The following ALOX15B variants were observed in gnomAD, a reference collection of about 807,000 sequenced individuals.
The protein encoded by ALOX15B is polyunsaturated fatty acid lipoxygenase ALOX15B.
In ALOX15B, 74 loss-of-function variants were observed where a neutral mutation model predicts 73.8. The observed-to-expected ratio is 1.00, with a 90% confidence interval of 0.83 to 1.22. ALOX15B has a LOEUF of 1.22. Among genes scored for constraint, ALOX15B ranks in the 50% most tolerant of loss-of-function variants. ALOX15B has a pLI of 0.00. For missense variants in ALOX15B, 896 were observed against 859.9 expected, an observed-to-expected ratio of 1.04 and a Z score of -0.52; for synonymous variants, 353 against 357.2, an observed-to-expected ratio of 0.99 and a Z score of 0.13.
At chr17:8,047,992 C>A in intron 13 of ALOX15B, 77 bp downstream of exon 13, 1 of 1,495,072 alleles carries the variant, frequency 6.7e-7, no homozygotes, top group South Asian at 1.3e-5. Context: ...CTGGCCCAGA[C>A]CCAACCCTGC....
At chr17:8,044,105 GAGGAAGGAAGGAAGGAAGGA>G (rs556498649) in intron 5 of ALOX15B, among the ~76,000 whole-genome samples, 7 of 62,380 alleles carry the variant, frequency 1.1e-4, no homozygotes, top group Admixed American at 7.2e-4. Flanking sequence ...GAGAGAGAGA[GAGGAAGGAAGGAAGGAAGGA>G]AGGAAGGAAG....
At chr17:8,046,625 C>A in intron 8 of ALOX15B, 43 bp from the exon 9 acceptor site, 1 of 1,586,098 alleles carries the variant, frequency 6.3e-7, no homozygotes, top group East Asian at 2.3e-5. Context: ...GGGGCCAGAA[C>A]AACCCAGGCC....
In ALOX15B at chr17:8,039,163, A is replaced by C; in HGVS notation, c.8A>C (p.Glu3Ala). ...TGGACTTAGGCTGGCAGCATGGCCG[A>C]GTTCAGGGTCAGGGTGTCCACCGGA... is the stretch of plus-strand genomic sequence containing the variant. The part of the protein sequence containing the change: MA[E>A]FRVRVSTGEA... The change falls in exon 1 of 14, where the codon GAG becomes GCG. Residue 3 changes from glutamate to alanine, a missense_variant. By Grantham distance (107) the Glu-to-Ala change is moderately radical (BLOSUM62 -1). Transcript: ENST00000380183. 1 of 1,613,010 alleles carries C rather than the reference A, an allele frequency of 6.2e-7. No homozygotes were observed. The highest frequency in any genetic ancestry group is 8.5e-7 in the Non-Finnish European group (1 of 1,179,574).
At chr17:8,043,998 G>A (rs143658824) in intron 5 of ALOX15B, among the ~76,000 whole-genome samples, 304 of 152,070 alleles carry the variant, frequency 2.0e-3, no homozygotes, top group African/African-American at 6.9e-3. Flanking sequence ...AAGCCTGGGA[G>A]ATGGAGGTTG....
Position 8,048,414 on chromosome 17 carries a change from A to G in ALOX15B, c.1880A>G (p.His627Arg). 6.2e-7 allele frequency: 1 copy of G among 1,613,852 alleles called. No homozygotes were observed. The highest frequency in any genetic ancestry group is 8.5e-7 in the Non-Finnish European group (1 of 1,179,876). ...QRPLGTYPDE[H>R]FTEEAPRRSI... ...CCCCTGGGCACCTATCCGGATGAGC[A>G]CTTCACAGAGGAGGCCCCTCGGCGG... is the stretch of plus-strand genomic sequence containing the variant. The change falls in exon 14 of 14, where the codon CAC becomes CGC. Residue 627 changes from histidine to arginine, a missense_variant. Transcript: ENST00000380183.
intron 13 of ALOX15B, 87 bp from the exon 14 acceptor site, chr17:8,048,299 G>T (rs985024235): frequency 1.9e-5 from 28 of 1,490,694 alleles, no homozygotes; most frequent in Non-Finnish European, 2.3e-5. Context: ...GCTAAGGCAA[G>T]TTGCAGCTGC....
At chr17:8,045,076 AG>A in intron 6 of ALOX15B, 75 bp downstream of exon 6, 2 of 1,593,930 alleles carry the variant, frequency 1.3e-6, no homozygotes, top group South Asian at 2.3e-5. Flanking sequence ...CTGGAGACAG[AG>A]GGGCACACTC....
intron 3 of ALOX15B, 142 bp from the exon 4 acceptor site, chr17:8,042,227 G>A (rs1448932105): frequency 5.8e-6 from 6 of 1,040,098 alleles, no homozygotes; most frequent in Non-Finnish European, 6.8e-6. Context: ...GGGTAGAATG[G>A]AAGGGCAGCT....
In ALOX15B at chr17:8,045,651, C is replaced by G. The variant is rs1162712398; in HGVS notation, c.1165C>G (p.Leu389Val). Residue 389 changes from leucine to valine, a missense_variant, in exon 8 of 14, where the codon CTG becomes GTG. Physicochemically the swap from Leu to Val is conservative, Grantham distance 32. Transcript: ENST00000380183. Reference sequence around the variant, plus strand: ...GCCTGAGGTCTTCACCCTGGCTACCCTGCGTCAGCTGCCCCACTGCCACCC... The same window carrying G: ...GCCTGAGGTCTTCACCCTGGCTACCGTGCGTCAGCTGCCCCACTGCCACCC... ...LLPEVFTLAT[L>V]RQLPHCHPLF... 3.1e-6 allele frequency: 5 copies of G among 1,614,098 alleles called. No individual in the cohort carries two copies.
Position 8,048,341 on chromosome 17 carries a change from A to G in ALOX15B, c.1852-45A>G, listed in dbSNP as rs201050534. On this transcript the variant is annotated intron_variant, in intron 13 of 13. Transcript: ENST00000380183. ...AGTGGGGACCAGGAGTCTGGGATGC[A>G]GGACCTCAGCAGCCGCCTCACCCAA... is the stretch of plus-strand genomic sequence containing the variant. 530 of 1,576,768 alleles carry G rather than the reference A, an allele frequency of 3.4e-4. No homozygotes were observed. In the African/African-American group the frequency reaches 6.5e-3, roughly 19 times the overall value.
rs1179004665 is a variant in ALOX15B, at chr17:8,047,615, T to C, written c.1631T>C (p.Met544Thr). ...GAAGCCCTGGTGCAGTATGTCACCA[T>C]GGTGATATTCACCTGCTCCGCCAAG... is the stretch of plus-strand genomic sequence containing the variant. ...TREALVQYVT[M>T]VIFTCSAKHA... Residue 544 changes from methionine to threonine, a missense_variant, in exon 12 of 14, where the codon ATG becomes ACG. By Grantham distance (81) the Met-to-Thr change is moderately conservative. Coordinates refer to ENST00000380183, the MANE Select transcript of ALOX15B (RefSeq NM_001141.3). The C allele has an allele frequency of 3.1e-6, 5 of 1,611,536 alleles. No homozygotes were observed. The highest frequency in any genetic ancestry group is 3.4e-5 in the Admixed American group (2 of 59,590).
chr17:8,041,744 G>A (rs990221122), intron 3 of ALOX15B, among the ~76,000 whole-genome samples: 1 of 152,204 alleles, frequency 6.6e-6, no homozygotes, highest in Admixed American at 6.5e-5. Flanking sequence ...TTTGAGAATA[G>A]AATTTAGAGA....
At position 8,039,095 on chromosome 17, in the gene ALOX15B, C is replaced by A; in HGVS notation, c.-61C>A. ...CCAGGGGCAATAACCAGGCGTGTCC[C>A]AGGGGGGAGCCCCGCTCTGCAGCCC... On this transcript the variant is annotated 5_prime_UTR_variant, in exon 1 of 14. Transcript: ENST00000380183. 2 of 1,570,474 alleles carry A rather than the reference C, an allele frequency of 1.3e-6. No individual in the cohort carries two copies. Among genetic ancestry groups the A allele is most frequent in the Non-Finnish European group, 1.7e-6 (2 of 1,161,436 alleles).
chr17:8,039,528 C>CTGGAA lies in ALOX15B; in HGVS notation c.290_291insTGGAA (p.Arg98GlyfsTer100). The CTGGAA allele has an allele frequency of 8.6e-6, 13 of 1,513,856 alleles. No homozygotes were observed. Among genetic ancestry groups the CTGGAA allele is most frequent in the Non-Finnish European group, 9.7e-6 (11 of 1,128,912 alleles). 93.8% of individuals were successfully genotyped at this position (1,513,856 alleles called of 1,614,324 possible). On this transcript the variant is annotated frameshift_variant, in exon 2 of 14. Coordinates refer to ENST00000380183, the MANE Select transcript of ALOX15B (RefSeq NM_001141.3). LOFTEE classifies it high-confidence loss of function. The stretch of plus-strand genomic sequence containing the variant: ...TGCCGCTGGTTCCAGCTGACACCGC[C>CTGGAA]GCGGGGCGGCCACCTCCTCTTCCCC...
In ALOX15B at chr17:8,039,198, G is replaced by C. The variant is rs145035264; in HGVS notation, c.43G>C (p.Gly15Arg). Residue 15 changes from glycine (G) to arginine (R), a missense_variant, in exon 1 of 14, where the codon GGG becomes CGG. Physicochemically the swap from Gly to Arg is moderately radical, Grantham distance 125. Transcript: ENST00000380183. The stretch of plus-strand genomic sequence containing the variant: ...CAGGGTGTCCACCGGAGAAGCCTTC[G>C]GGGCTGGCACATGGGACAAAGTGTC... ...RVRVSTGEAF[G>R]AGTWDKVSVS... 1 of 1,613,088 alleles carries C rather than the reference G, an allele frequency of 6.2e-7. No individual in the cohort carries two copies. Among genetic ancestry groups the C allele is most frequent in the South Asian group, 1.1e-5 (1 of 90,886 alleles).
intron 1 of ALOX15B, 28 bp from the exon 2 acceptor site, chr17:8,039,358 G>C (rs769964785): frequency 6.2e-7 from 1 of 1,603,082 alleles, no homozygotes; most frequent in Admixed American, 1.7e-5. Flanking sequence ...GGAGGGTCCG[G>C]CCTGACGCAT....
At position 8,048,501 on chromosome 17, in the gene ALOX15B, A is replaced by C. The variant is rs4792147; in HGVS notation, c.1967A>C (p.Gln656Pro). ...TCGAGGGGCATCCAGGAGCGGAACC[A>C]GGGCCTGGTGCTGCCCTACACCTAC... is the stretch of plus-strand genomic sequence containing the variant. The part of the protein sequence containing the change: ...QISRGIQERN[Q>P]GLVLPYTYLD... Residue 656 changes from glutamine to proline, a missense_variant, in exon 14 of 14, where the codon CAG becomes CCG. Transcript: ENST00000380183. 6.2e-7 allele frequency: 1 copy of C among 1,613,912 alleles called. No homozygotes were observed. Among genetic ancestry groups the C allele is most frequent in the East Asian group, 2.2e-5 (1 of 44,848 alleles).
chr17:8,044,890 C>T lies in ALOX15B; in HGVS notation c.738C>T (p.Leu246=). ...AFFASQFLNG[L]NPVLIRRCHY... is the part of the protein sequence containing the mutation. ...TCGCCTCCCAGTTCCTGAATGGTCTCAACCCTGTCCTGATCCGCCGCTGTC... is the reference window on the plus strand; with the variant it reads ...TCGCCTCCCAGTTCCTGAATGGTCTTAACCCTGTCCTGATCCGCCGCTGTC... The change falls in exon 6 of 14, where the codon CTC becomes CTT. Residue 246 remains leucine, a synonymous_variant. Transcript: ENST00000380183. 6.2e-7 allele frequency: 1 copy of T among 1,614,040 alleles called. No individual in the cohort carries two copies. The highest frequency in any genetic ancestry group is 1.7e-5 in the Admixed American group (1 of 60,012).
At chr17:8,042,092 G>C (rs748713030) in intron 3 of ALOX15B, among the ~76,000 whole-genome samples, 1 of 152,168 alleles carries the variant, frequency 6.6e-6, no homozygotes, top group Admixed American at 6.5e-5. Flanking sequence ...AGCCCCAATG[G>C]CAAATTCCCT....
Sources: gnomAD v4.1 joint callset for allele counts (sites outside exome capture counted in the v4.1 genomes callset) on GRCh38, gnomAD v4.1.1 for gene constraint, MANE v1.5 for transcripts, NCBI Gene and HGNC (gene_info 2026-07-23, HGNC 2026-07-21) for gene names.